KMO: variants seen among roughly 807,000 people sequenced by gnomAD.
KMO encodes kynurenine 3-monooxygenase, also known as kynurenine 3-hydroxylase.
KMO carries 24 observed loss-of-function variants against 57.8 expected under a neutral mutation model. The observed-to-expected ratio is 0.42, with a 90% confidence interval of 0.30 to 0.58. The LOEUF is 0.58. Ranked by LOEUF, KMO falls within the 20% of genes least tolerant of loss-of-function variation. The pLI, the probability that KMO is intolerant of heterozygous loss-of-function variation, is 0.22. For synonymous variants in KMO, 210 were observed against 193.6 expected (o/e 1.08, Z -0.70); for missense variants, 483 against 588.2 (o/e 0.82, Z 1.85).
chr1:241,549,577 G>T lies in KMO; in HGVS notation c.125-100G>T, dbSNP rs112036561. 9.2e-4 allele frequency: 547 copies of T among 592,922 alleles called. 1 individual carries two copies. The African/African-American group carries it at 9.3e-3, about 10-fold the overall frequency. The allele number at this position is 592,922 out of a possible 1,614,324, so 36.7% of individuals were successfully genotyped here. A position where few individuals can be genotyped will look rare whatever the true frequency, so the allele number is the denominator to read the frequency against. On this transcript the variant is annotated intron_variant, in intron 2 of 14. Coordinates refer to ENST00000366559, the MANE Select transcript of KMO (RefSeq NM_003679.5). Reference sequence around the variant, plus strand: ...TAGAAGAGTTAAGAAGTTCTTTAATGTGGTTCCGAATGAACCAGTTGTTCA... The same window carrying T: ...TAGAAGAGTTAAGAAGTTCTTTAATTTGGTTCCGAATGAACCAGTTGTTCA...
chr1:241,581,258 AGT>A (rs1295718859), intron 10 of KMO, among the ~76,000 whole-genome samples: 1 of 151,932 alleles, frequency 6.6e-6, no homozygotes, highest in East Asian at 1.9e-4. Context: ...CATATAGTTG[AGT>A]CTTATCTTTT....
At chr1:241,549,278 A>AAGG (rs1558415048) in intron 2 of KMO, among the ~76,000 whole-genome samples, 46 of 120,552 alleles carry the variant, frequency 3.8e-4, no homozygotes, top group Middle Eastern at 8.5e-3. Flanking sequence ...AGGAAGGAAG[A>AAGG]AAGAAAGAAA....
chr1:241,584,333 A>G (rs1034239752), intron 10 of KMO, among the ~76,000 whole-genome samples: 5 of 152,244 alleles, frequency 3.3e-5, no homozygotes, highest in Non-Finnish European at 7.4e-5. Context: ...GGTGATTGTT[A>G]AAAAGTCAGG....
intron 1 of KMO, among the ~76,000 whole-genome samples, chr1:241,541,510 G>A (rs1660957931): frequency 6.6e-6 from 1 of 152,154 alleles, no homozygotes. Context: ...ATGGAGTTCA[G>A]GACGAAGATC....
intron 1 of KMO, among the ~76,000 whole-genome samples, chr1:241,547,740 G>A (rs1044921800): frequency 6.6e-6 from 1 of 152,250 alleles, no homozygotes; most frequent in South Asian, 2.1e-4. Context: ...TTCAGAAGCT[G>A]CTGGTGTTAC....
intron 5 of KMO, among the ~76,000 whole-genome samples, chr1:241,558,700 T>A (rs1171736908): frequency 5.3e-5 from 8 of 151,560 alleles, no homozygotes; most frequent in African/African-American, 1.7e-4. Context: ...TTGTGGATCT[T>A]CCAGAGCAGC....
intron 10 of KMO, 21 bp from the exon 11 acceptor site, chr1:241,586,657 CT>C (rs754773288): frequency 3.3e-6 from 5 of 1,501,658 alleles, no homozygotes; most frequent in Non-Finnish European, 4.6e-6. Context: ...TTTCTTATTT[CT>C]CTTTTTTTTT....
At position 241,586,719 on chromosome 1, in the gene KMO, A is replaced by C; in HGVS notation, c.998A>C (p.Lys333Thr). 1 of 1,605,542 alleles carries C rather than the reference A, an allele frequency of 6.2e-7. No homozygotes were observed. Among genetic ancestry groups the C allele is most frequent in the African/African-American group, 1.3e-5 (1 of 74,386 alleles). ...DCLVFDELMDKFSNDLSLCLP... is the reference protein window; with the variant it reads ...DCLVFDELMDTFSNDLSLCLP... ...TTGGTATTTGATGAGTTAATGGATA[A>C]ATTCAGTAACGACCTTAGTAAGTAA... is the stretch of plus-strand genomic sequence containing the variant. Residue 333 changes from lysine to threonine, a missense_variant, in exon 11 of 15, where the codon AAA becomes ACA. By Grantham distance (78) the Lys-to-Thr change is moderately conservative (BLOSUM62 -1). This residue lies in a region of KMO where 410 missense variants were observed against 492.3 expected (regional missense o/e 0.83). Transcript: ENST00000366559.
At position 241,586,688 on chromosome 1, in the gene KMO, G is replaced by T; in HGVS notation, c.967G>T (p.Asp323Tyr). ...TTTTTTCTTGTTTCAGGGCTTTGAA[G>T]ACTGCTTGGTATTTGATGAGTTAAT... ...FGQGMNAGFE[D>Y]CLVFDELMDK... The change falls in exon 11 of 15, where the codon GAC becomes TAC. Residue 323 changes from aspartate (D) to tyrosine (Y), a missense_variant. Asp to Tyr is a radical substitution (Grantham distance 160, BLOSUM62 -3). This residue lies in a region of KMO where 410 missense variants were observed against 492.3 expected (regional missense o/e 0.83). Transcript: ENST00000366559. 1 of 1,597,938 alleles carries T rather than the reference G, an allele frequency of 6.3e-7. No individual in the cohort carries two copies. Among genetic ancestry groups the T allele is most frequent in the South Asian group, 1.1e-5 (1 of 87,520 alleles).
intron 10 of KMO, among the ~76,000 whole-genome samples, chr1:241,580,147 T>C (rs1305213709): frequency 6.6e-6 from 1 of 152,152 alleles, no homozygotes; most frequent in East Asian, 1.9e-4. Context: ...GCTTATAGTA[T>C]AGGTTGCAGC....
chr1:241,534,028 G>A (rs879576363), intron 1 of KMO, among the ~76,000 whole-genome samples: 10 of 152,246 alleles, frequency 6.6e-5, no homozygotes, highest in Admixed American at 5.9e-4. Flanking sequence ...AAGAGTAGCT[G>A]ATGAGGCCAG....
chr1:241,535,585 A>T (rs1011857872), intron 1 of KMO, among the ~76,000 whole-genome samples: 1 of 152,200 alleles, frequency 6.6e-6, no homozygotes, highest in Non-Finnish European at 1.5e-5. Context: ...CAGTAAAAAA[A>T]CTCCTAATGA....
chr1:241,571,908 C>T (rs1302111571), intron 10 of KMO, among the ~76,000 whole-genome samples: 2 of 122,766 alleles, frequency 1.6e-5, no homozygotes, highest in Non-Finnish European at 3.2e-5. Context: ...CGCTCTGTTG[C>T]CAGGCTGGAG....
At chr1:241,575,799 T>C (rs1435551286) in intron 10 of KMO, among the ~76,000 whole-genome samples, 1 of 152,032 alleles carries the variant, frequency 6.6e-6, no homozygotes, top group Admixed American at 6.6e-5. Context: ...TTTTCTAGAA[T>C]GTGGTTAATT....
At chr1:241,568,043 C>T (rs1042587291) in intron 9 of KMO, among the ~76,000 whole-genome samples, 34 of 152,140 alleles carry the variant, frequency 2.2e-4, no homozygotes, top group African/African-American at 8.2e-4. Context: ...TTATTCCCAT[C>T]CCCCAAATGC....
At chr1:241,537,877 A>T (rs2992640) in intron 1 of KMO, among the ~76,000 whole-genome samples, 48,419 of 151,976 alleles carry the variant, frequency 0.32, 8,669 homozygotes, top group African/African-American at 0.49. Flanking sequence ...ACACATGAGG[A>T]TTATGGAAGC....
rs1663006201 is a variant in KMO at position 241,586,735 on chromosome 1, T to A, written c.1014T>A (p.Leu338=). The change falls in exon 11 of 15, where the codon CTT becomes CTA. Residue 338 remains leucine (L), a splice_region_variant and synonymous_variant. Transcript: ENST00000366559. ...DELMDKFSND[L]SLCLPVFSRL... ...TAATGGATAAATTCAGTAACGACCT[T>A]AGTAAGTAAGGTCAATTTCTCAACT... 6.2e-7 allele frequency: 1 copy of A among 1,602,292 alleles called. No homozygotes were observed. The highest frequency in any genetic ancestry group is 8.5e-7 in the Non-Finnish European group (1 of 1,174,506).
chr1:241,592,168 G>A lies in KMO; in HGVS notation c.*15G>A. Reference sequence around the variant, plus strand: ...TTAGCAGGTGATAGAAAGGTTTTGTGGTAGCAAATGCATGATTTCTCTGTG... The same window carrying A: ...TTAGCAGGTGATAGAAAGGTTTTGTAGTAGCAAATGCATGATTTCTCTGTG... On this transcript the variant is annotated 3_prime_UTR_variant, in exon 15 of 15. Coordinates refer to ENST00000366559, the MANE Select transcript of KMO (RefSeq NM_003679.5). 6.3e-7 allele frequency: 1 copy of A among 1,596,236 alleles called. No individual in the cohort carries two copies. The highest frequency in any genetic ancestry group is 8.6e-7 in the Non-Finnish European group (1 of 1,165,670).
At chr1:241,560,102 G>A (rs1331030036) in intron 5 of KMO, among the ~76,000 whole-genome samples, 1 of 152,154 alleles carries the variant, frequency 6.6e-6, no homozygotes, top group Non-Finnish European at 1.5e-5. Flanking sequence ...AGGCAAAACA[G>A]AAAATTACGA....
Sources: allele counts gnomAD v4.1 joint callset (sites outside exome capture counted in the v4.1 genomes callset), GRCh38; gene constraint gnomAD v4.1.1; regional missense constraint gnomAD v4.1.1; transcripts MANE v1.5; gene names NCBI Gene and HGNC (gene_info 2026-07-23, HGNC 2026-07-21).